GAS7: variants seen among roughly 807,000 people sequenced by gnomAD.
GAS7 encodes the protein growth arrest specific 7, also known as growth arrest-specific protein 7.
In GAS7, 28 loss-of-function variants were observed where a neutral mutation model predicts 71.1. The observed-to-expected ratio is 0.39, with a 90% CI of 0.29 to 0.54. The LOEUF (loss-of-function observed/expected upper bound fraction) is 0.54, where lower values mean the gene tolerates loss of function less well. GAS7 is among the 20% of genes least tolerant of loss of function. GAS7 has a pLI of 0.62. For synonymous variants in GAS7, 258 were observed against 245.8 expected, an observed-to-expected ratio of 1.05 and a Z score of -0.46; for missense variants, 436 against 627.8, an observed-to-expected ratio of 0.69 and a Z score of 3.27.
At chr17:10,074,751 T>C (rs950065231) in intron 1 of GAS7, among the ~76,000 whole-genome samples, 5 of 152,102 alleles carry the variant, frequency 3.3e-5, no homozygotes, top group Admixed American at 6.6e-5. Flanking sequence ...CTTCCATAAA[T>C]AGAAAACATT....
Position 10,034,213 on chromosome 17 carries a change from C to A in GAS7, c.184-14316G>T. On this transcript the variant is annotated intron_variant, in intron 1 of 13. Transcript: ENST00000432992. The surrounding 1 kb of genome is among the most constrained non-coding windows in gnomAD (Gnocchi z 4.4). Reference sequence around the variant, plus strand: ...TCTTGAGCAACCTCTTCCATCTCTGCTGGGAGGCCTCAATTGCTTCATCTC... The same window carrying A: ...TCTTGAGCAACCTCTTCCATCTCTGATGGGAGGCCTCAATTGCTTCATCTC... 1 of 985,224 alleles carries A rather than the reference C, an allele frequency of 1.0e-6. No homozygotes were observed. The highest frequency in any genetic ancestry group is 1.2e-6 in the Non-Finnish European group (1 of 829,740). The allele number at this position is 985,224 out of a possible 1,614,324, so 61.0% of individuals were successfully genotyped here.
At chr17:10,005,216 C>T (rs544160952) in intron 2 of GAS7, among the ~76,000 whole-genome samples, 55 of 125,484 alleles carry the variant, frequency 4.4e-4, no homozygotes, top group African/African-American at 1.8e-3. Flanking sequence ...TGCATGTGCG[C>T]GTGTGCATGT....
chr17:9,954,980 A>G (rs140620994), intron 5 of GAS7, among the ~76,000 whole-genome samples: 170 of 152,298 alleles, frequency 1.1e-3, no homozygotes, highest in East Asian at 8.1e-3. Context: ...TTTATTTGCA[A>G]TGGTCTAGTG....
chr17:9,934,041 A>T (rs909083207), intron 9 of GAS7, 125 bp downstream of exon 9: 2 of 715,980 alleles, frequency 2.8e-6, no homozygotes, highest in East Asian at 5.2e-5. Context: ...CCGTGACTTC[A>T]TGTTGATAGC....
intron 1 of GAS7, among the ~76,000 whole-genome samples, chr17:10,120,541 G>A (rs1431655122): frequency 3.3e-5 from 5 of 152,052 alleles, no homozygotes; most frequent in African/African-American, 9.7e-5. Context: ...CGAAAACCCC[G>A]TCTCTACTAA....
At chr17:10,046,063 A>G (rs1261290428) in intron 1 of GAS7, among the ~76,000 whole-genome samples, 12 of 152,156 alleles carry the variant, frequency 7.9e-5, no homozygotes, top group Admixed American at 7.9e-4. Context: ...AACTCAGCAC[A>G]CTTTGAGAAA....
chr17:10,099,833 G>A (rs780268174), intron 1 of GAS7, among the ~76,000 whole-genome samples: 1 of 152,202 alleles, frequency 6.6e-6, no homozygotes, highest in Non-Finnish European at 1.5e-5. Flanking sequence ...ACCTAAGAGT[G>A]TAATTCGTTA....
At chr17:10,036,681 C>T (rs2152224793) in intron 1 of GAS7, 1 of 1,321,806 alleles carries the variant, frequency 7.6e-7, no homozygotes. Context: ...TAGTTCCTTC[C>T]AAATCCGCTC....
chr17:10,095,778 G>A (rs2073635166), intron 1 of GAS7, among the ~76,000 whole-genome samples: 1 of 150,672 alleles, frequency 6.6e-6, no homozygotes, highest in African/African-American at 2.4e-5. Flanking sequence ...ACTCCAGCCT[G>A]GTGACAGAGC....
rs11653366 is a variant in GAS7 at position 9,927,676 on chromosome 17, G to A, written c.886-907C>T. Among the ~76,000 whole-genome samples, 518 of 152,224 alleles carry A rather than the reference G, an allele frequency of 3.4e-3. 5 individuals carry two copies. The highest frequency in any genetic ancestry group is 6.3e-3 in the Non-Finnish European group (431 of 68,010). ...ACTCAGCACAGTGACTGGGGTACGC[G>A]GCTTCAGTAAAGAACAGTCGAATGA... is the stretch of plus-strand genomic sequence containing the variant. On this transcript the variant is annotated intron_variant, in intron 9 of 13. Transcript: ENST00000432992.
Position 10,059,780 on chromosome 17 carries a change from G to A in GAS7, c.184-39883C>T, listed in dbSNP as rs549177090. The stretch of plus-strand genomic sequence containing the variant: ...ACATCCGCTGCTTCCCCGTGGCATC[G>A]GCTAATTCACTGTGCAAAGCAGCAT... On this transcript the variant is annotated intron_variant, in intron 1 of 13. Transcript: ENST00000432992. 8.7e-5 allele frequency: 86 copies of A among 984,822 alleles called. No homozygotes were observed. The Middle Eastern group carries it at 3.1e-3, about 36-fold the overall frequency. The allele number at this position is 984,822 out of a possible 1,614,324, so 61.0% of individuals were successfully genotyped here. A position where few individuals can be genotyped will look rare whatever the true frequency, so the allele number is the denominator to read the frequency against.
At chr17:10,009,074 A>G (rs988675896) in intron 2 of GAS7, among the ~76,000 whole-genome samples, 2 of 151,960 alleles carry the variant, frequency 1.3e-5, no homozygotes, top group Admixed American at 6.6e-5. Flanking sequence ...TAATCCCAGC[A>G]CTTTGGGAGG....
rs960476336 is a variant in GAS7, at chr17:9,911,031, G to T, written c.*6197C>A. ...TCATAGGGTTTGCCGATGTGCTCGT[G>T]TCTGTGAAGGGGTTGCTTCCGGTCA... is the stretch of plus-strand genomic sequence containing the variant. On this transcript the variant is annotated 3_prime_UTR_variant, in exon 14 of 14. Coordinates refer to ENST00000432992, the MANE Select transcript of GAS7 (RefSeq NM_201433.2). This position sits in a 1 kb window ranked among gnomAD's most constrained non-coding sequence, Gnocchi z 4.0. 3.8e-4 allele frequency: 88 copies of T among 233,114 alleles called. No homozygotes were observed. The highest frequency in any genetic ancestry group is 1.8e-3 in the African/African-American group (80 of 45,324). 14.4% of individuals were successfully genotyped at this position (233,114 alleles called of 1,614,324 possible). A position where few individuals can be genotyped will look rare whatever the true frequency, so the allele number is the denominator to read the frequency against.
chr17:10,033,504 G>A (rs958969448), intron 1 of GAS7, among the ~76,000 whole-genome samples: 1 of 152,238 alleles, frequency 6.6e-6, no homozygotes, highest in Non-Finnish European at 1.5e-5. Context: ...AAGTTCAGAA[G>A]CAAGGGAGGG....
chr17:9,928,637 G>T, intron 9 of GAS7, among the ~76,000 whole-genome samples: 1 of 152,178 alleles, frequency 6.6e-6, no homozygotes, highest in East Asian at 1.9e-4. Flanking sequence ...TCCCAACGAG[G>T]GTTCTGTGAC....
At chr17:10,174,402 A>G (rs2074356365) in intron 1 of GAS7, among the ~76,000 whole-genome samples, 1 of 152,144 alleles carries the variant, frequency 6.6e-6, no homozygotes, top group South Asian at 2.1e-4. Flanking sequence ...TATTTTAATT[A>G]AAAATTCTGG....
intron 1 of GAS7, among the ~76,000 whole-genome samples, chr17:10,077,754 A>G (rs947913990): frequency 2.6e-5 from 4 of 152,256 alleles, no homozygotes; most frequent in African/African-American, 9.6e-5. Flanking sequence ...CTGCAGATTA[A>G]GATCAGACCA....
In GAS7 at chr17:9,919,215, C is replaced by T. The variant is rs1430482759; in HGVS notation, c.1218+411G>A. ...CCCACTGCCTAGCTCCATCCTCACC[C>T]ATCCATCCACTTTGCAAGGATCTCC... On this transcript the variant is annotated intron_variant, in intron 12 of 13. Transcript: ENST00000432992. The surrounding 1 kb of genome is among the most constrained non-coding windows in gnomAD (Gnocchi z 5.0). Among the ~76,000 whole-genome samples the T allele has an allele frequency of 6.6e-6, 1 of 152,190 alleles. No homozygotes were observed. Among genetic ancestry groups the T allele is most frequent in the Non-Finnish European group, 1.5e-5 (1 of 68,026 alleles).
At chr17:10,078,413 A>G (rs1288292046) in intron 1 of GAS7, among the ~76,000 whole-genome samples, 1 of 152,190 alleles carries the variant, frequency 6.6e-6, no homozygotes, top group African/African-American at 2.4e-5. Context: ...TTAAAGGGCT[A>G]GTGAAGAGAG....
Sources: gnomAD v4.1 joint callset for allele counts (sites outside exome capture counted in the v4.1 genomes callset) on GRCh38, gnomAD v4.1.1 for gene constraint, Gnocchi (gnomAD v3.1) non-coding constraint, MANE v1.5 for transcripts, NCBI Gene and HGNC (gene_info 2026-07-23, HGNC 2026-07-21) for gene names.